Variants in WDPCP observed in about 807,000 individuals in gnomAD.
WDPCP encodes WD repeat containing planar cell polarity effector.
In WDPCP, 71 loss-of-function variants were observed where a neutral mutation model predicts 93.1. The observed-to-expected ratio is 0.76, with a 90% confidence interval of 0.63 to 0.93. The LOEUF is 0.93. Among genes scored for constraint, WDPCP ranks in the 40% least tolerant of loss-of-function variants. The pLI is 0.00. For missense variants in WDPCP, 844 were observed against 887.4 expected, an observed-to-expected ratio of 0.95 and a Z score of 0.62; for synonymous variants, 315 against 315.0, an observed-to-expected ratio of 1.00 and a Z score of 0.00.
intron 14 of WDPCP, among the ~76,000 whole-genome samples, chr2:63,210,782 T>A (rs932344965): frequency 6.6e-6 from 1 of 152,326 alleles, no homozygotes; most frequent in Non-Finnish European, 1.5e-5. Flanking sequence ...CCAATGGTCT[T>A]AGCAAATGGC....
intron 10 of WDPCP, among the ~76,000 whole-genome samples, chr2:63,385,703 G>C (rs1178722582): frequency 6.6e-6 from 1 of 151,836 alleles, no homozygotes; most frequent in East Asian, 1.9e-4. Flanking sequence ...ATGATCTATA[G>C]ATCCAACACA....
At chr2:63,567,596 G>C (rs2106450094) in intron 1 of WDPCP, among the ~76,000 whole-genome samples, 1 of 152,216 alleles carries the variant, frequency 6.6e-6, no homozygotes, top group East Asian at 1.9e-4. Flanking sequence ...CCCCTACTTA[G>C]CTACAGTTAC....
the WDPCP span, among the ~76,000 whole-genome samples, chr2:63,834,565 G>T: frequency 1.3e-5 from 2 of 152,194 alleles, no homozygotes; most frequent in Admixed American, 1.3e-4. Context: ...CGCAAGTTGG[G>T]AGCCCCTGGC....
chr2:63,548,061 A>G (rs1351853035), intron 1 of WDPCP, among the ~76,000 whole-genome samples: 3 of 152,154 alleles, frequency 2.0e-5, no homozygotes, highest in Non-Finnish European at 4.4e-5. Flanking sequence ...TTATGCATCA[A>G]TAAAAAATAT....
intron 12 of WDPCP, among the ~76,000 whole-genome samples, chr2:63,336,999 T>C (rs952043350): frequency 6.6e-6 from 1 of 151,146 alleles, no homozygotes; most frequent in Non-Finnish European, 1.5e-5. Flanking sequence ...GTTCAAGTGA[T>C]TCTCCTGCCT....
intron 10 of WDPCP, among the ~76,000 whole-genome samples, chr2:63,383,784 C>CA (rs1355723633): frequency 2.0e-5 from 3 of 151,874 alleles, no homozygotes; most frequent in African/African-American, 7.3e-5. Context: ...AATATGTAAG[C>CA]AAAAAATCAG....
At chr2:63,622,392 C>T in intron 3 of WDPCP, 1 of 1,613,344 alleles carries the variant, frequency 6.2e-7, no homozygotes, top group South Asian at 1.1e-5. Context: ...CTGGGCAAGA[C>T]CAAATTCCTG....
chr2:63,652,501 G>A (rs72885390), intron 2 of WDPCP, among the ~76,000 whole-genome samples: 1 of 152,164 alleles, frequency 6.6e-6, no homozygotes, highest in Non-Finnish European at 1.5e-5. Context: ...CTACAAGTAG[G>A]CAACTGTGTG....
At chr2:63,596,394 A>G (rs1233143157) in intron 3 of WDPCP, among the ~76,000 whole-genome samples, 2 of 152,214 alleles carry the variant, frequency 1.3e-5, no homozygotes, top group African/African-American at 2.4e-5. Flanking sequence ...GACTGCCCAC[A>G]CTATTCTGTT....
At chr2:63,581,286 G>T (rs1447177645) in intron 1 of WDPCP, among the ~76,000 whole-genome samples, 1 of 152,204 alleles carries the variant, frequency 6.6e-6, no homozygotes, top group Non-Finnish European at 1.5e-5. Flanking sequence ...AAAAACTGGA[G>T]AAGACAAGGT....
chr2:63,294,294 A>C (rs1157703803), intron 13 of WDPCP, among the ~76,000 whole-genome samples: 1 of 139,524 alleles, frequency 7.2e-6, no homozygotes, highest in Non-Finnish European at 1.5e-5. Flanking sequence ...ACTTGAGGTC[A>C]GGAGTTCAGG....
chr2:63,449,098 A>G (rs578237551), intron 6 of WDPCP, among the ~76,000 whole-genome samples: 85 of 152,312 alleles, frequency 5.6e-4, no homozygotes, highest in Non-Finnish European at 9.3e-4. Flanking sequence ...CTATAGCAAA[A>G]CATCACATTG....
intron 2 of WDPCP, among the ~76,000 whole-genome samples, chr2:63,668,251 ACT>A (rs936428774): frequency 2.0e-4 from 31 of 151,726 alleles, no homozygotes; most frequent in African/African-American, 6.8e-4. Flanking sequence ...GTCATCTCTA[ACT>A]CTCTCCTGCA....
intron 2 of WDPCP, among the ~76,000 whole-genome samples, chr2:63,742,503 C>T (rs1231835681): frequency 1.3e-5 from 2 of 151,552 alleles, no homozygotes; most frequent in Non-Finnish European, 2.9e-5. Flanking sequence ...CAGAATTTAT[C>T]GTGCCCTGCC....
chr2:63,532,229 C>T (rs1013761737), intron 1 of WDPCP, among the ~76,000 whole-genome samples: 2 of 152,156 alleles, frequency 1.3e-5, no homozygotes, highest in South Asian at 2.1e-4. Context: ...ACCAAATCTA[C>T]GTCTGATTGG....
chr2:63,734,609 T>C (rs1394728426), intron 2 of WDPCP, among the ~76,000 whole-genome samples: 1 of 152,314 alleles, frequency 6.6e-6, no homozygotes, highest in East Asian at 1.9e-4. Context: ...ACAGAGTTAG[T>C]GTTGATCTTT....
intron 9 of WDPCP, among the ~76,000 whole-genome samples, chr2:63,405,343 C>T (rs1262091176): frequency 6.6e-6 from 1 of 151,990 alleles, no homozygotes; most frequent in African/African-American, 2.4e-5. Flanking sequence ...AAATTAAGAC[C>T]TAGTATATAT....
chr2:63,640,789 T>A (rs1379145586), intron 3 of WDPCP, among the ~76,000 whole-genome samples: 1 of 152,200 alleles, frequency 6.6e-6, no homozygotes, highest in African/African-American at 2.4e-5. Context: ...ATCCATCCCC[T>A]CAAGCATTCA....
At chr2:63,775,555 C>A (rs1670289862) in intron 2 of WDPCP, among the ~76,000 whole-genome samples, 1 of 152,168 alleles carries the variant, frequency 6.6e-6, no homozygotes, top group Admixed American at 6.5e-5. Context: ...TGCTCAGAGT[C>A]CATGTATACA....
Sources: gnomAD v4.1 joint callset for allele counts (sites outside exome capture counted in the v4.1 genomes callset) on GRCh38, gnomAD v4.1.1 for gene constraint, MANE v1.5 for transcripts, NCBI Gene and HGNC (gene_info 2026-07-23, HGNC 2026-07-21) for gene names.